The following MRAS variants were observed in gnomAD, a reference collection of about 807,000 sequenced individuals.
The protein encoded by MRAS is ras-related protein M-Ras.
In MRAS, 4 loss-of-function variants were observed where a neutral mutation model predicts 20.9. The observed-to-expected ratio is 0.19, with a 90% CI of 0.09 to 0.44. MRAS has a LOEUF of 0.44. Among genes scored for constraint, MRAS ranks in the 20% least tolerant of loss-of-function variants. The probability of loss-of-function intolerance (pLI) is 0.99; values close to 1 mark genes in which losing one functional copy is unlikely to be tolerated. For synonymous variants in MRAS, 98 were observed against 102.9 expected (o/e 0.95, Z 0.29); for missense variants, 154 against 277.5 (o/e 0.56, Z 3.16).
Position 138,402,438 on chromosome 3 carries a change from G to A in MRAS, c.*169G>A. 1 of 612,910 alleles carries A rather than the reference G, an allele frequency of 1.6e-6. No individual in the cohort carries two copies. The highest frequency in any genetic ancestry group is 2.8e-6 in the Non-Finnish European group (1 of 354,190). The allele number at this position is 612,910 out of a possible 1,614,324, so 38.0% of individuals were successfully genotyped here. A position where few individuals can be genotyped will look rare whatever the true frequency, so the allele number is the denominator to read the frequency against. On this transcript the variant is annotated 3_prime_UTR_variant, in exon 6 of 6. Coordinates refer to ENST00000423968, the MANE Select transcript of MRAS (RefSeq NM_001085049.3). ...AGCAGACAGGGTCTGGCTTTGCCCA[G>A]AGGGCACGGGCTTTCCCACCTCTCA...
intron 1 of MRAS, among the ~76,000 whole-genome samples, chr3:138,371,539 G>T (rs2054674011): frequency 6.6e-6 from 1 of 152,186 alleles, no homozygotes; most frequent in Non-Finnish European, 1.5e-5. Context: ...CTCTCTGTGA[G>T]ACCATCGGTT....
intron 1 of MRAS, among the ~76,000 whole-genome samples, chr3:138,362,115 T>A (rs2054461447): frequency 6.6e-6 from 1 of 152,106 alleles, no homozygotes; most frequent in South Asian, 2.1e-4. Context: ...GGTGGCCAAG[T>A]AGCAGGCATT....
chr3:138,378,922 C>T (rs2054842118), intron 2 of MRAS, among the ~76,000 whole-genome samples: 1 of 152,022 alleles, frequency 6.6e-6, no homozygotes, highest in Admixed American at 6.6e-5. Flanking sequence ...TGCTTGCTCC[C>T]TTTTCTTTTA....
chr3:138,402,623 A>G lies in MRAS; in HGVS notation c.*354A>G, dbSNP rs911983183. 1 of 213,486 alleles carries G rather than the reference A, an allele frequency of 4.7e-6. No individual in the cohort carries two copies. The highest frequency in any genetic ancestry group is 2.3e-5 in the African/African-American group (1 of 43,868). The allele number at this position is 213,486 out of a possible 1,614,324, so 13.2% of individuals were successfully genotyped here. Reference sequence around the variant, plus strand: ...ATGTGGAAGTGTTTATCCACATACAAAGTACAAAACAAGCCATGAACAAGC... The same window carrying G: ...ATGTGGAAGTGTTTATCCACATACAGAGTACAAAACAAGCCATGAACAAGC... On this transcript the variant is annotated 3_prime_UTR_variant, in exon 6 of 6. Transcript: ENST00000423968.
chr3:138,397,813 A>G (rs777069321), intron 3 of MRAS, among the ~76,000 whole-genome samples: 4 of 152,234 alleles, frequency 2.6e-5, no homozygotes, highest in Non-Finnish European at 5.9e-5. Flanking sequence ...AGGGACACAC[A>G]TACATACACA....
intron 1 of MRAS, among the ~76,000 whole-genome samples, chr3:138,362,121 G>A (rs939688446): frequency 4.6e-5 from 7 of 152,288 alleles, no homozygotes; most frequent in South Asian, 2.1e-4. Flanking sequence ...CAAGTAGCAG[G>A]CATTCCTGTG....
At chr3:138,350,942 CAAAAAA>C (rs66738068) in intron 1 of MRAS, among the ~76,000 whole-genome samples, 3 of 68,030 alleles carry the variant, frequency 4.4e-5, no homozygotes, top group African/African-American at 1.6e-4. Context: ...GACCCTGTCT[CAAAAAA>C]AAAAAAAAAA....
chr3:138,365,771 T>A (rs1400257703), intron 1 of MRAS, among the ~76,000 whole-genome samples: 1 of 152,230 alleles, frequency 6.6e-6, no homozygotes, highest in Non-Finnish European at 1.5e-5. Flanking sequence ...AGTCACTGTG[T>A]TCTGCTGCCA....
chr3:138,349,773 G>C (rs1361196754), intron 1 of MRAS: 3 of 152,264 alleles, frequency 2.0e-5, no homozygotes, highest in African/African-American at 7.2e-5. Flanking sequence ...GCAGAAGTAA[G>C]ATGGAGATAT....
intron 2 of MRAS, among the ~76,000 whole-genome samples, chr3:138,393,399 G>A (rs946407073): frequency 3.3e-5 from 5 of 151,972 alleles, no homozygotes; most frequent in African/African-American, 9.7e-5. Context: ...TGTTTTCTTC[G>A]CTTACCACTG....
chr3:138,349,936 A>G (rs1440823866), intron 1 of MRAS: 1 of 152,220 alleles, frequency 6.6e-6, no homozygotes, highest in African/African-American at 2.4e-5. Context: ...GGATGGAGGA[A>G]CTGGGGTGAA....
chr3:138,383,090 A>C (rs1419238846), intron 2 of MRAS, among the ~76,000 whole-genome samples: 2 of 152,132 alleles, frequency 1.3e-5, no homozygotes, highest in Non-Finnish European at 2.9e-5. Context: ...AATGAGATAC[A>C]CCTCATAGTT....
chr3:138,358,111 G>A (rs1391366340), intron 1 of MRAS, among the ~76,000 whole-genome samples: 1 of 152,132 alleles, frequency 6.6e-6, no homozygotes, highest in African/African-American at 2.4e-5. Context: ...GAGGTGGGTG[G>A]ATCACTTGAG....
At chr3:138,394,107 A>G (rs1235415497) in intron 2 of MRAS, among the ~76,000 whole-genome samples, 2 of 151,620 alleles carry the variant, frequency 1.3e-5, no homozygotes, top group African/African-American at 4.8e-5. Context: ...CTAAGAAAAA[A>G]AAAAGCTGCA....
At chr3:138,348,215 C>G (rs982574684), upstream of MRAS, 1 of 152,228 alleles carries the variant, frequency 6.6e-6, no homozygotes, top group African/African-American at 2.4e-5. Context: ...TTGGCCCGGC[C>G]GGAGCGGAGA....
At chr3:138,365,405 A>C (rs1169841188) in intron 1 of MRAS, among the ~76,000 whole-genome samples, 1 of 152,208 alleles carries the variant, frequency 6.6e-6, no homozygotes, top group Non-Finnish European at 1.5e-5. Flanking sequence ...TTGCCATATG[A>C]GGAAGCATGT....
At position 138,400,611 on chromosome 3, in the gene MRAS, T is replaced by C. The variant is rs568889988; in HGVS notation, c.525T>C (p.Ile175=). The change falls in exon 5 of 6, where the codon ATT becomes ATC. Residue 175 remains isoleucine (I), a splice_region_variant and synonymous_variant. Transcript: ENST00000423968. ...CCTTCCATGACCTCGTTAGAGTAAT[T>C]AGGTGAGCACTGCCCTCTCCCTAGA... is the stretch of plus-strand genomic sequence containing the variant. ...DKAFHDLVRV[I]RQQIPEKSQK... 27 of 1,609,532 alleles carry C rather than the reference T, an allele frequency of 1.7e-5. No individual in the cohort carries two copies. The East Asian group carries it at 6.0e-4, about 36-fold the overall frequency.
chr3:138,351,450 C>A (rs1439871628), intron 1 of MRAS, among the ~76,000 whole-genome samples: 1 of 152,088 alleles, frequency 6.6e-6, no homozygotes, highest in Non-Finnish European at 1.5e-5. Context: ...TGGAGGAGTT[C>A]CCTGAGACCT....
At chr3:138,380,146 T>A (rs2108531448) in intron 2 of MRAS, among the ~76,000 whole-genome samples, 1 of 152,348 alleles carries the variant, frequency 6.6e-6, no homozygotes, top group Middle Eastern at 3.4e-3. Flanking sequence ...CATTTGTTTG[T>A]CTCTGAGAAA....
Sources: allele counts gnomAD v4.1 joint callset (sites outside exome capture counted in the v4.1 genomes callset), GRCh38; gene constraint gnomAD v4.1.1; transcripts MANE v1.5; gene names NCBI Gene and HGNC (gene_info 2026-07-23, HGNC 2026-07-21).